TRIM36: variants seen among roughly 807,000 people sequenced by gnomAD.
TRIM36 encodes the protein tripartite motif containing 36.
TRIM36 carries 42 observed loss-of-function variants against 72.4 expected under a neutral mutation model. That is an observed-to-expected ratio of 0.58 (90% CI 0.45 to 0.75). The LOEUF (loss-of-function observed/expected upper bound fraction) is 0.75. Ranked by LOEUF, TRIM36 falls within the 30% of genes least tolerant of loss-of-function variation. The pLI is 0.00. For missense variants in TRIM36, 913 were observed against 857.1 expected (o/e 1.07, Z -0.81); for synonymous variants, 315 against 282.8 (o/e 1.11, Z -1.14).
intron 2 of TRIM36, among the ~76,000 whole-genome samples, chr5:115,160,182 T>G (rs1312310546): frequency 1.3e-5 from 2 of 152,134 alleles, no homozygotes; most frequent in African/African-American, 4.8e-5. Context: ...ACACAAATCT[T>G]ACTCTCCTTT....
chr5:115,159,706 T>C (rs1348882869), intron 2 of TRIM36: 7 of 448,162 alleles, frequency 1.6e-5, no homozygotes, highest in African/African-American at 1.2e-4. Context: ...ATTTAGAATT[T>C]AATTTCAAAG....
rs756979516 is a variant in TRIM36, at chr5:115,130,713, T to C, written c.1675A>G (p.Lys559Glu). 6 of 1,614,052 alleles carry C rather than the reference T, an allele frequency of 3.7e-6. No individual in the cohort carries two copies. The highest frequency in any genetic ancestry group is 5.1e-6 in the Non-Finnish European group (6 of 1,180,032). ...DYIIGDTGIT[K>E]GKHFWAFRVE... ...CGGAAGGCCCAGAAGTGTTTTCCTT[T>C]TGTAATGCCAGTATCTCCAATGATG... The change falls in exon 9 of 10, where the codon AAA becomes GAA. Residue 559 changes from lysine (K) to glutamate (E), a missense_variant. Lys to Glu is a moderately conservative substitution (Grantham distance 56). Coordinates refer to ENST00000513154, the MANE Select transcript of TRIM36 (RefSeq NM_001300759.2).
chr5:115,134,667 A>G (rs895384768), intron 7 of TRIM36, among the ~76,000 whole-genome samples: 2 of 151,888 alleles, frequency 1.3e-5, no homozygotes, highest in African/African-American at 4.8e-5. Flanking sequence ...CAGCCTCCCA[A>G]GTAGCTGGGA....
intron 1 of TRIM36, among the ~76,000 whole-genome samples, chr5:115,167,614 G>C (rs1754857226): frequency 6.6e-6 from 1 of 152,132 alleles, no homozygotes; most frequent in Non-Finnish European, 1.5e-5. Flanking sequence ...AGACCACCTT[G>C]GCCTGCACTT....
intron 7 of TRIM36, among the ~76,000 whole-genome samples, chr5:115,135,905 G>C (rs1020565145): frequency 6.6e-6 from 1 of 152,042 alleles, no homozygotes; most frequent in African/African-American, 2.4e-5. Flanking sequence ...TTGTATTAAT[G>C]TACAAATCTA....
rs929925700 is a variant in TRIM36 at position 115,125,787 on chromosome 5, G to C, written c.*716C>G. On this transcript the variant is annotated 3_prime_UTR_variant, in exon 10 of 10. Transcript: ENST00000513154. The stretch of plus-strand genomic sequence containing the variant: ...GTGAGAAGTTTAATGTGTTAGCTGA[G>C]AACTTTGTGTTTTCTGCAAGAAACC... 1 of 152,076 alleles carries C rather than the reference G, an allele frequency of 6.6e-6. No homozygotes were observed. Among genetic ancestry groups the C allele is most frequent in the African/African-American group, 2.4e-5 (1 of 41,430 alleles). The allele number at this position is 152,076 out of a possible 1,614,324, so 9.4% of individuals were successfully genotyped here. A position where few individuals can be genotyped will look rare whatever the true frequency, so the allele number is the denominator to read the frequency against.
chr5:115,163,239 G>C (rs775222943), intron 2 of TRIM36, among the ~76,000 whole-genome samples: 4 of 152,156 alleles, frequency 2.6e-5, no homozygotes, highest in African/African-American at 4.8e-5. Context: ...TTACAGGTGT[G>C]AGCCACTGTG....
At chr5:115,158,668 A>G (rs147325280) in intron 2 of TRIM36, among the ~76,000 whole-genome samples, 1 of 152,322 alleles carries the variant, frequency 6.6e-6, no homozygotes, top group East Asian at 1.9e-4. Context: ...TTTGATGCCT[A>G]TGAGTTATAT....
chr5:115,158,006 G>T (rs1209743128), intron 2 of TRIM36, among the ~76,000 whole-genome samples: 1 of 151,972 alleles, frequency 6.6e-6, no homozygotes, highest in Non-Finnish European at 1.5e-5. Context: ...CTACAAATAG[G>T]GTGCAGTGGA....
chr5:115,146,014 C>A (rs1285156072), intron 3 of TRIM36, among the ~76,000 whole-genome samples: 1 of 152,154 alleles, frequency 6.6e-6, no homozygotes, highest in Non-Finnish European at 1.5e-5. Flanking sequence ...TCAGTATAAC[C>A]TATCCATGTT....
chr5:115,158,777 A>C (rs547785409), intron 2 of TRIM36, among the ~76,000 whole-genome samples: 1 of 152,350 alleles, frequency 6.6e-6, no homozygotes, highest in Admixed American at 6.5e-5. Context: ...TTTTAAAGCA[A>C]ACTGCTCCTA....
At chr5:115,138,366 T>A (rs1029574761) in intron 5 of TRIM36, among the ~76,000 whole-genome samples, 3 of 152,154 alleles carry the variant, frequency 2.0e-5, no homozygotes, top group Admixed American at 6.5e-5. Context: ...CCCAAAGTGT[T>A]GGGATTACAA....
intron 1 of TRIM36, among the ~76,000 whole-genome samples, chr5:115,178,878 C>T (rs993075912): frequency 5.3e-5 from 8 of 152,190 alleles, no homozygotes; most frequent in African/African-American, 1.9e-4. Flanking sequence ...AGCTCCCCAG[C>T]CCTGGGGCCA....
intron 2 of TRIM36, chr5:115,159,685 C>A (rs73780079): frequency 6.7e-6 from 3 of 449,832 alleles, no homozygotes; most frequent in Non-Finnish European, 1.3e-5. Flanking sequence ...GAACAATGAA[C>A]AGAAAGCTGG....
At chr5:115,146,654 A>G (rs1753609357) in intron 3 of TRIM36, among the ~76,000 whole-genome samples, 1 of 152,224 alleles carries the variant, frequency 6.6e-6, no homozygotes, top group South Asian at 2.1e-4. Context: ...TCATTGTACA[A>G]TTTTAGCCAA....
chr5:115,134,280 A>T, intron 7 of TRIM36, 133 bp from the exon 8 acceptor site: 1 of 606,294 alleles, frequency 1.6e-6, no homozygotes, highest in Non-Finnish European at 2.4e-6. Flanking sequence ...TTATAATACT[A>T]TATATAGAAA....
intron 8 of TRIM36, among the ~76,000 whole-genome samples, chr5:115,131,280 G>T (rs1752662545): frequency 6.6e-6 from 1 of 151,916 alleles, no homozygotes. Context: ...TTTTCTTATT[G>T]AAAGTTTTGT....
intron 2 of TRIM36, among the ~76,000 whole-genome samples, chr5:115,157,201 C>T (rs1580689517): frequency 6.6e-6 from 1 of 150,978 alleles, no homozygotes; most frequent in East Asian, 1.9e-4. Context: ...AGGAACACTT[C>T]CACTCTGCTG....
At chr5:115,138,523 C>G (rs1466592866) in intron 5 of TRIM36, among the ~76,000 whole-genome samples, 2 of 152,144 alleles carry the variant, frequency 1.3e-5, no homozygotes, top group African/African-American at 2.4e-5. Flanking sequence ...TGACCATATG[C>G]TAATCATTTC....
Sources: gnomAD v4.1 joint callset for allele counts (sites outside exome capture counted in the v4.1 genomes callset) on GRCh38, gnomAD v4.1.1 for gene constraint, MANE v1.5 for transcripts, NCBI Gene and HGNC (gene_info 2026-07-23, HGNC 2026-07-21) for gene names.